The following EFR3B variants were observed in gnomAD, a reference collection of about 807,000 sequenced individuals.
The protein encoded by EFR3B is EFR3 homolog B.
EFR3B carries 64 observed loss-of-function variants against 104.7 expected under a neutral mutation model. That is an observed-to-expected ratio of 0.61 (90% confidence interval 0.50 to 0.75). EFR3B has a LOEUF of 0.75. EFR3B is among the 30% of genes least tolerant of loss of function. The probability of loss-of-function intolerance (pLI) is 0.00; values close to 1 mark genes in which losing one functional copy is unlikely to be tolerated. For synonymous variants in EFR3B, 385 were observed against 417.9 expected, an observed-to-expected ratio of 0.92 and a Z score of 0.96; for missense variants, 750 against 1,078.5, an observed-to-expected ratio of 0.70 and a Z score of 4.27.
chr2:25,157,203 G>C lies in EFR3B; in HGVS notation c.*2863G>C, dbSNP rs1671198084. 6.6e-6 allele frequency: 1 copy of C among 152,178 alleles called. No homozygotes were observed. The highest frequency in any genetic ancestry group is 6.5e-5 in the Admixed American group (1 of 15,270). 9.4% of individuals were successfully genotyped at this position (152,178 alleles called of 1,614,324 possible). ...AAAAATGTGCTTCTTTTGAAGAACTGGTCATTTTTTTTGAGTGCCCTCTTC... is the reference window on the plus strand; with the variant it reads ...AAAAATGTGCTTCTTTTGAAGAACTCGTCATTTTTTTTGAGTGCCCTCTTC... On this transcript the variant is annotated 3_prime_UTR_variant, in exon 23 of 23. Transcript: ENST00000403714.
Position 25,154,522 on chromosome 2 carries a change from T to A in EFR3B, c.*182T>A. 5.1e-6 allele frequency: 3 copies of A among 582,584 alleles called. No individual in the cohort carries two copies. In the South Asian group the frequency reaches 6.7e-5, roughly 13 times the overall value. 36.1% of individuals were successfully genotyped at this position (582,584 alleles called of 1,614,324 possible). ...CCTTCTTGGCCCTCCTACCTCCTCC[T>A]CGTCTTCCCTGAGGGAGGTCTCACC... is the stretch of plus-strand genomic sequence containing the variant. On this transcript the variant is annotated 3_prime_UTR_variant, in exon 23 of 23. Transcript: ENST00000403714. The surrounding 1 kb of genome is among the most constrained non-coding windows in gnomAD (Gnocchi z 4.1).
At chr2:25,110,006 C>T (rs1345816152) in intron 4 of EFR3B, among the ~76,000 whole-genome samples, 14 of 152,202 alleles carry the variant, frequency 9.2e-5, no homozygotes, top group Non-Finnish European at 1.5e-4. Context: ...GGGGGGAGGG[C>T]GGCTCCCCTG....
At chr2:25,058,388 G>A (rs1489705872) in intron 1 of EFR3B, 1 of 152,086 alleles carries the variant, frequency 6.6e-6, no homozygotes, top group Non-Finnish European at 1.5e-5. Context: ...CTCATCATTA[G>A]GGAAATAGGA....
At chr2:25,067,436 T>G (rs2002945) in intron 1 of EFR3B, among the ~76,000 whole-genome samples, 13,741 of 150,914 alleles carry the variant, frequency 0.091, 743 homozygotes, top group East Asian at 0.21. Context: ...GTTTTTTTTT[T>G]TTTGTTTTTT....
At chr2:25,141,622 A>G (rs191644938) in intron 17 of EFR3B, among the ~76,000 whole-genome samples, 189 bp downstream of exon 17, 100 of 152,336 alleles carry the variant, frequency 6.6e-4, no homozygotes, top group African/African-American at 2.3e-3. Flanking sequence ...ACTGCAGTCC[A>G]TGCCTCGAGC....
chr2:25,080,353 G>C (rs1668765796), intron 1 of EFR3B: 1 of 582,050 alleles, frequency 1.7e-6, no homozygotes, highest in Non-Finnish European at 2.9e-6. Context: ...GGAGTGCAGT[G>C]GCACCATCTC....
At chr2:25,066,276 A>G (rs1465917573) in intron 1 of EFR3B, among the ~76,000 whole-genome samples, 1 of 151,998 alleles carries the variant, frequency 6.6e-6, no homozygotes, top group African/African-American at 2.4e-5. Flanking sequence ...CCATTTATCC[A>G]CTGGAAGTAG....
chr2:25,127,218 C>CAAAAAAAAAAAAAAAAAAAAAAAAAAAA (rs1232730358), intron 5 of EFR3B, among the ~76,000 whole-genome samples: 1 of 114,622 alleles, frequency 8.7e-6, no homozygotes. Flanking sequence ...AAAAAAAAAG[C>CAAAAAAAAAAAAAAAAAAAAAAAAAAAA]AAAACATTTG....
In EFR3B at chr2:25,121,747, C is replaced by G; in HGVS notation, c.438C>G (p.Phe146Leu). 1 of 1,551,708 alleles carries G rather than the reference C, an allele frequency of 6.4e-7. No individual in the cohort carries two copies. Among genetic ancestry groups the G allele is most frequent in the Non-Finnish European group, 8.7e-7 (1 of 1,146,996 alleles). The change falls in exon 5 of 23, where the codon TTC becomes TTG. Residue 146 changes from phenylalanine (F) to leucine (L), a missense_variant. Coordinates refer to ENST00000403714, the MANE Select transcript of EFR3B (RefSeq NM_014971.2). Reference sequence around the variant, plus strand: ...GCTATGACTTCTTTGTGTCCCGATTCAGTGAAATGTGCCACTCGAGCCATG... The same window carrying G: ...GCTATGACTTCTTTGTGTCCCGATTGAGTGAAATGTGCCACTCGAGCCATG... ...HRSYDFFVSR[F>L]SEMCHSSHDD...
chr2:25,071,387 A>T (rs1668493036), intron 1 of EFR3B, among the ~76,000 whole-genome samples: 1 of 150,678 alleles, frequency 6.6e-6, no homozygotes, highest in Non-Finnish European at 1.5e-5. Flanking sequence ...CGGCCTCCTG[A>T]GTAGCTGGGA....
At chr2:25,124,382 G>C (rs906308654) in intron 5 of EFR3B, among the ~76,000 whole-genome samples, 1 of 151,328 alleles carries the variant, frequency 6.6e-6, no homozygotes, top group African/African-American at 2.4e-5. Flanking sequence ...CTTGGATTCA[G>C]AGACTTCATG....
In EFR3B at chr2:25,042,578, C is replaced by G. The variant is rs1246221591; in HGVS notation, c.7+259C>G. The stretch of plus-strand genomic sequence containing the variant: ...GGTGGTCCTTCGGGGGGCGGAGGCT[C>G]AGGGGAAAGCGGGTCTCCCGGAGCC... On this transcript the variant is annotated intron_variant, in intron 1 of 22. Transcript: ENST00000403714. The surrounding 1 kb of genome is among the most constrained non-coding windows in gnomAD (Gnocchi z 5.4). The G allele has an allele frequency of 3.5e-5, 42 of 1,198,994 alleles. No individual in the cohort carries two copies. The highest frequency in any genetic ancestry group is 4.0e-5 in the Non-Finnish European group (39 of 967,268). 74.3% of individuals were successfully genotyped at this position (1,198,994 alleles called of 1,614,324 possible).
intron 13 of EFR3B, among the ~76,000 whole-genome samples, 178 bp downstream of exon 13, chr2:25,135,817 G>A (rs1670501763): frequency 6.6e-6 from 1 of 152,120 alleles, no homozygotes; most frequent in Non-Finnish European, 1.5e-5. Flanking sequence ...GATCACCAAC[G>A]TTGACCCTGG....
At chr2:25,121,091 A>G (rs891249647) in intron 4 of EFR3B, among the ~76,000 whole-genome samples, 7 of 152,092 alleles carry the variant, frequency 4.6e-5, no homozygotes, top group Non-Finnish European at 1.0e-4. Flanking sequence ...TAGTAGAGAC[A>G]GGGTTTCACC....
At chr2:25,091,285 CA>C (rs1558598121) in intron 1 of EFR3B, 39 bp from the exon 2 acceptor site, 5 of 1,543,004 alleles carry the variant, frequency 3.2e-6, no homozygotes, top group Non-Finnish European at 4.4e-6. Context: ...TGGGCCCGAC[CA>C]GGAGGCTTTG....
chr2:25,135,980 T>C (rs1202211031), intron 13 of EFR3B, among the ~76,000 whole-genome samples: 1 of 151,576 alleles, frequency 6.6e-6, no homozygotes, highest in Non-Finnish European at 1.5e-5. Flanking sequence ...CTGAAGGGAT[T>C]TGGGGGGAAT....
chr2:25,089,420 T>G (rs1412841780), intron 1 of EFR3B, among the ~76,000 whole-genome samples: 1 of 152,130 alleles, frequency 6.6e-6, no homozygotes, highest in African/African-American at 2.4e-5. Context: ...ACACTACAAT[T>G]TTTTTAGTCC....
At position 25,154,173 on chromosome 2, in the gene EFR3B, C is replaced by A; in HGVS notation, c.2349-62C>A. 6.8e-7 allele frequency: 1 copy of A among 1,473,872 alleles called. No homozygotes were observed. Among genetic ancestry groups the A allele is most frequent in the African/African-American group, 1.4e-5 (1 of 71,472 alleles). 91.3% of individuals were successfully genotyped at this position (1,473,872 alleles called of 1,614,324 possible). A position where few individuals can be genotyped will look rare whatever the true frequency, so the allele number is the denominator to read the frequency against. Reference sequence around the variant, plus strand: ...AAGTCACCTACTCTGTTTGGTTGCACAAGGGTGGGATCCTAAAATTCTCTT... The same window carrying A: ...AAGTCACCTACTCTGTTTGGTTGCAAAAGGGTGGGATCCTAAAATTCTCTT... On this transcript the variant is annotated intron_variant, in intron 22 of 22. Coordinates refer to ENST00000403714, the MANE Select transcript of EFR3B (RefSeq NM_014971.2). The surrounding 1 kb of genome is among the most constrained non-coding windows in gnomAD (Gnocchi z 4.1).
chr2:25,097,376 C>T (rs980575447), intron 3 of EFR3B, among the ~76,000 whole-genome samples: 2 of 152,218 alleles, frequency 1.3e-5, no homozygotes, highest in Admixed American at 6.5e-5. Context: ...TTATCTTCCT[C>T]ATCACTGATG....
Sources: allele counts gnomAD v4.1 joint callset (sites outside exome capture counted in the v4.1 genomes callset), GRCh38; gene constraint gnomAD v4.1.1; non-coding constraint Gnocchi (gnomAD v3.1); transcripts MANE v1.5; gene names NCBI Gene and HGNC (gene_info 2026-07-23, HGNC 2026-07-21).